Variants in INPP4B observed in about 807,000 individuals in gnomAD.
INPP4B encodes the protein inositol polyphosphate-4-phosphatase type II B, also known as inositol polyphosphate 4-phosphatase type II.
A neutral mutation model predicts 122.5 loss-of-function variants in INPP4B; 55 were observed. The ratio of observed to expected loss-of-function variants is 0.45; its 90% CI spans 0.36 to 0.56. The LOEUF (loss-of-function observed/expected upper bound fraction) is 0.56. INPP4B is among the 20% of genes least tolerant of loss of function. INPP4B has a pLI of 0.00. For missense variants in INPP4B, 1,000 were observed against 1,097.7 expected (o/e 0.91, Z 1.26); for synonymous variants, 403 against 388.7 (o/e 1.04, Z -0.43).
At chr4:142,248,266 G>A (rs1729949585) in intron 11 of INPP4B, among the ~76,000 whole-genome samples, 1 of 150,088 alleles carries the variant, frequency 6.7e-6, no homozygotes, top group Non-Finnish European at 1.5e-5. Flanking sequence ...TGAGATTTAA[G>A]AAAGAAAAGC....
intron 18 of INPP4B, among the ~76,000 whole-genome samples, chr4:142,132,472 A>G (rs1801819146): frequency 6.6e-6 from 1 of 152,164 alleles, no homozygotes; most frequent in Non-Finnish European, 1.5e-5. Flanking sequence ...TTTTTTTACC[A>G]CATATCAAGT....
At chr4:142,182,222 T>C (rs966943078) in intron 15 of INPP4B, among the ~76,000 whole-genome samples, 17 of 152,148 alleles carry the variant, frequency 1.1e-4, no homozygotes, top group Non-Finnish European at 1.9e-4. Context: ...GGAGAATTCA[T>C]GGTCTCTGGG....
At chr4:142,233,988 T>G (rs919499098) in intron 12 of INPP4B, among the ~76,000 whole-genome samples, 1 of 152,160 alleles carries the variant, frequency 6.6e-6, no homozygotes, top group Non-Finnish European at 1.5e-5. Flanking sequence ...TATATAATAA[T>G]GTAAAGCCAC....
chr4:142,711,268 A>G (rs1763082294), intron 2 of INPP4B, among the ~76,000 whole-genome samples: 1 of 151,542 alleles, frequency 6.6e-6, no homozygotes, highest in Admixed American at 6.6e-5. Flanking sequence ...TAAATATATA[A>G]CTCCAGACCC....
chr4:142,091,438 G>A (rs796702252), intron 23 of INPP4B, among the ~76,000 whole-genome samples: 2 of 152,120 alleles, frequency 1.3e-5, no homozygotes, highest in Non-Finnish European at 2.9e-5. Flanking sequence ...GGCAGAAAAG[G>A]CTACATTATT....
chr4:142,549,359 G>T (rs1270391655), intron 2 of INPP4B, among the ~76,000 whole-genome samples: 1 of 152,018 alleles, frequency 6.6e-6, no homozygotes, highest in South Asian at 2.1e-4. Context: ...ACCATCAGAC[G>T]GTAATGACTA....
intron 7 of INPP4B, among the ~76,000 whole-genome samples, chr4:142,380,287 G>C (rs542391093): frequency 6.6e-6 from 1 of 152,280 alleles, no homozygotes; most frequent in South Asian, 2.1e-4. Context: ...GCTTCATCAA[G>C]TATTGCAAAT....
chr4:142,114,067 G>A (rs1000327920), intron 21 of INPP4B, among the ~76,000 whole-genome samples: 3 of 151,948 alleles, frequency 2.0e-5, no homozygotes, highest in African/African-American at 7.2e-5. Flanking sequence ...CATACAGTAT[G>A]TAATCTTTTC....
intron 25 of INPP4B, among the ~76,000 whole-genome samples, chr4:142,045,261 CACAA>C (rs1370913307): frequency 6.6e-6 from 1 of 152,222 alleles, no homozygotes; most frequent in South Asian, 2.1e-4. Context: ...TGAACATATA[CACAA>C]ACAAACACAA....
intron 7 of INPP4B, among the ~76,000 whole-genome samples, chr4:142,338,737 C>A (rs1777705039): frequency 6.6e-6 from 1 of 152,276 alleles, no homozygotes; most frequent in East Asian, 1.9e-4. Flanking sequence ...CCATTAAAGA[C>A]TTTCATTTCC....
At chr4:142,433,038 A>G (rs1335798477) in intron 3 of INPP4B, among the ~76,000 whole-genome samples, 2 of 152,158 alleles carry the variant, frequency 1.3e-5, no homozygotes, top group Non-Finnish European at 2.9e-5. Context: ...AAGTGAAAAT[A>G]AATTCAATTT....
intron 2 of INPP4B, among the ~76,000 whole-genome samples, chr4:142,548,569 T>A (rs1222763500): frequency 1.3e-5 from 2 of 152,108 alleles, no homozygotes; most frequent in Non-Finnish European, 2.9e-5. Flanking sequence ...TTGGAACATT[T>A]TTTTTCTGGT....
chr4:142,356,958 G>A (rs531714692), intron 7 of INPP4B, among the ~76,000 whole-genome samples: 2 of 152,106 alleles, frequency 1.3e-5, no homozygotes, highest in South Asian at 4.1e-4. Flanking sequence ...ACTGAGTTCA[G>A]AGTGCTTCCA....
intron 1 of INPP4B, among the ~76,000 whole-genome samples, chr4:142,729,349 G>A (rs978327126): frequency 7.2e-5 from 11 of 152,138 alleles, no homozygotes; most frequent in Admixed American, 3.3e-4. Context: ...CCAGCTGCAC[G>A]TGACAAACTG....
chr4:142,245,600 T>G (rs768538299), intron 11 of INPP4B, among the ~76,000 whole-genome samples: 5 of 152,096 alleles, frequency 3.3e-5, no homozygotes, highest in Non-Finnish European at 7.4e-5. Context: ...GCTGGCCTCA[T>G]AAAATGAGTT....
chr4:142,636,272 T>A (rs1749145743), intron 2 of INPP4B, among the ~76,000 whole-genome samples: 1 of 152,094 alleles, frequency 6.6e-6, no homozygotes, highest in Admixed American at 6.6e-5. Context: ...GGGTATTTCT[T>A]TATAGCAACA....
At chr4:142,081,876 A>T (rs1250422120) in intron 25 of INPP4B, among the ~76,000 whole-genome samples, 155 bp downstream of exon 25, 1 of 152,004 alleles carries the variant, frequency 6.6e-6, no homozygotes, top group African/African-American at 2.4e-5. Context: ...GGTGGAGAAA[A>T]TTATCTATCT....
chr4:142,507,887 A>C (rs1432925679), intron 2 of INPP4B, among the ~76,000 whole-genome samples: 1 of 152,180 alleles, frequency 6.6e-6, no homozygotes, highest in East Asian at 1.9e-4. Context: ...GATTCATTCT[A>C]ATTATGTAAG....
chr4:142,258,546 C>T (rs1233417615), intron 11 of INPP4B, among the ~76,000 whole-genome samples: 2 of 152,264 alleles, frequency 1.3e-5, no homozygotes, highest in Middle Eastern at 3.4e-3. Context: ...GGGCAAAGAA[C>T]ATGAACAGAC....
Sources: allele counts gnomAD v4.1 joint callset (sites outside exome capture counted in the v4.1 genomes callset), GRCh38; gene constraint gnomAD v4.1.1; transcripts MANE v1.5; gene names NCBI Gene and HGNC (gene_info 2026-07-23, HGNC 2026-07-21).